Variants in EIF2AK4 observed in about 807,000 individuals in gnomAD.
EIF2AK4 encodes the protein eukaryotic translation initiation factor 2 alpha kinase 4, also known as eIF-2-alpha kinase GCN2.
In EIF2AK4, 139 loss-of-function variants were observed where a neutral mutation model predicts 211.1. That is an observed-to-expected ratio of 0.66 (90% CI 0.57 to 0.76). The LOEUF (loss-of-function observed/expected upper bound fraction) is 0.76. Ranked by LOEUF, EIF2AK4 falls within the 30% of genes least tolerant of loss-of-function variation. The pLI, the probability that EIF2AK4 is intolerant of heterozygous loss-of-function variation, is 0.00. For missense variants in EIF2AK4, 1,664 were observed against 2,043.8 expected (o/e 0.81, Z 3.58); for synonymous variants, 710 against 751.3 (o/e 0.94, Z 0.90).
chr15:39,949,324 A>C (rs1265571824), intron 4 of EIF2AK4, 56 bp downstream of exon 4: 44 of 1,592,824 alleles, frequency 2.8e-5, no homozygotes, highest in Non-Finnish European at 3.7e-5. Context: ...ATTGCAAACT[A>C]CTGTAGGTTT....
At chr15:39,953,399 A>G (rs2034346572) in intron 4 of EIF2AK4, among the ~76,000 whole-genome samples, 1 of 152,208 alleles carries the variant, frequency 6.6e-6, no homozygotes, top group African/African-American at 2.4e-5. Context: ...ACATTGAGAA[A>G]GCTGATTAGA....
Position 40,011,382 on chromosome 15 carries a change from C to G in EIF2AK4, c.3759+36C>G, listed in dbSNP as rs142749091. ...TCTAATGGTATTATTACAGCTTTCT[C>G]TGTAATTTTGTGATACCAGAAAATG... On this transcript the variant is annotated intron_variant, in intron 27 of 38. Transcript: ENST00000263791. 5.1e-3 allele frequency: 7,967 copies of G among 1,558,850 alleles called. 23 individuals are homozygous for G. Among genetic ancestry groups the G allele is most frequent in the Non-Finnish European group, 6.1e-3 (6,987 of 1,138,372 alleles).
chr15:39,961,875 A>C lies in EIF2AK4; in HGVS notation c.835A>C (p.Met279Leu). 1.2e-6 allele frequency: 2 copies of C among 1,613,838 alleles called. No individual in the cohort carries two copies. Among genetic ancestry groups the C allele is most frequent in the Non-Finnish European group, 1.7e-6 (2 of 1,179,882 alleles). Residue 279 changes from methionine to leucine, a missense_variant, in exon 7 of 39, where the codon ATG (methionine) becomes CTG (leucine). Met to Leu is a conservative substitution (Grantham distance 15, BLOSUM62 2). Transcript: ENST00000263791. ...YFNMGSPDQL[M>L]VHKGKCIGSD... The stretch of plus-strand genomic sequence containing the variant: ...CAATATGGGGAGTCCTGATCAGCTC[A>C]TGGTGCACAAAGGGAAATGTATTGG...
chr15:39,953,720 A>G (rs1365954569), intron 4 of EIF2AK4, among the ~76,000 whole-genome samples, 184 bp from the exon 5 acceptor site: 2 of 152,238 alleles, frequency 1.3e-5, no homozygotes, highest in Non-Finnish European at 2.9e-5. Flanking sequence ...GGGAATGCCT[A>G]TTGCGTAAGA....
chr15:39,997,080 T>C lies in EIF2AK4; in HGVS notation c.2868+15T>C, dbSNP rs1566998737. The C allele has an allele frequency of 1.2e-5, 19 of 1,545,900 alleles. No homozygotes were observed. Among genetic ancestry groups the C allele is most frequent in the Non-Finnish European group, 1.7e-5 (19 of 1,118,620 alleles). The stretch of plus-strand genomic sequence containing the variant: ...AACTCAGAGATGTATGTATCAGGTG[T>C]TTTAGTGCCTACATTTTCAGTAACC... On this transcript the variant is annotated intron_variant, in intron 19 of 38. Coordinates refer to ENST00000263791, the MANE Select transcript of EIF2AK4 (RefSeq NM_001013703.4).
intron 23 of EIF2AK4, among the ~76,000 whole-genome samples, chr15:40,005,666 G>A (rs1390555268): frequency 6.6e-6 from 1 of 151,494 alleles, no homozygotes; most frequent in Non-Finnish European, 1.5e-5. Context: ...CCGCCTCCCG[G>A]GTTCACGCCA....
At chr15:39,979,182 AAAGATGTGGG>A (rs1456358670) in intron 13 of EIF2AK4, among the ~76,000 whole-genome samples, 1 of 152,196 alleles carries the variant, frequency 6.6e-6, no homozygotes, top group Non-Finnish European at 1.5e-5. Flanking sequence ...TGTGTAAAGC[AAAGATGTGGG>A]AAGTAGAAAT....
In EIF2AK4 at chr15:40,035,226, T is replaced by G. The variant is rs2035600438; in HGVS notation, c.*142T>G. ...GGCTCACACCTTTAATCCCAGCACT[T>G]TGGGAAGCCAAGGCAGGAAGACTGC... On this transcript the variant is annotated 3_prime_UTR_variant, in exon 39 of 39. Coordinates refer to ENST00000263791, the MANE Select transcript of EIF2AK4 (RefSeq NM_001013703.4). 1 of 565,652 alleles carries G rather than the reference T, an allele frequency of 1.8e-6. No individual in the cohort carries two copies. Among genetic ancestry groups the G allele is most frequent in the Non-Finnish European group, 2.7e-6 (1 of 363,914 alleles). The allele number at this position is 565,652 out of a possible 1,614,324, so 35.0% of individuals were successfully genotyped here. A position where few individuals can be genotyped will look rare whatever the true frequency, so the allele number is the denominator to read the frequency against.
At chr15:39,991,073 G>A (rs11853517) in intron 16 of EIF2AK4, 113,397 of 152,472 alleles carry the variant, frequency 0.74, 46,782 homozygotes, top group Non-Finnish European at 0.95. Flanking sequence ...GAGGAATTTT[G>A]CTTCACATTA....
chr15:40,028,315 C>T (rs1336330633), intron 33 of EIF2AK4, among the ~76,000 whole-genome samples: 4 of 152,128 alleles, frequency 2.6e-5, no homozygotes, highest in African/African-American at 9.7e-5. Flanking sequence ...ACTCAAGCAA[C>T]TCTCCCGCCT....
intron 9 of EIF2AK4, among the ~76,000 whole-genome samples, chr15:39,968,891 T>TATACAC (rs139536340): frequency 8.7e-4 from 130 of 149,216 alleles, no homozygotes; most frequent in Non-Finnish European, 1.6e-3. Flanking sequence ...TATATATATA[T>TATACAC]ACACACACAT....
chr15:40,023,478 A>C (rs187769616), intron 32 of EIF2AK4, among the ~76,000 whole-genome samples: 2 of 152,284 alleles, frequency 1.3e-5, no homozygotes, highest in African/African-American at 4.8e-5. Flanking sequence ...AAATATTTCT[A>C]TATATAGAGC....
At position 39,967,779 on chromosome 15, in the gene EIF2AK4, G is replaced by T. The variant is rs748262253; in HGVS notation, c.1453G>T (p.Gly485Cys). ...TGKKGDVWRL[G>C]LLLLSLSQGQ... ...GAAGAAAGGAGATGTTTGGCGTCTT[G>T]GCCTTCTGCTGCTGTCCCTCAGCCA... The change falls in exon 9 of 39, where the codon GGC (glycine) becomes TGC (cysteine). Residue 485 changes from glycine (G) to cysteine (C), a missense_variant. Around this residue, in one of 7 missense-constraint regions of EIF2AK4, gnomAD observed 641 missense variants for 729.6 expected, o/e 0.88. Coordinates refer to ENST00000263791, the MANE Select transcript of EIF2AK4 (RefSeq NM_001013703.4). The T allele has an allele frequency of 6.2e-7, 1 of 1,614,224 alleles. No individual in the cohort carries two copies. Among genetic ancestry groups the T allele is most frequent in the South Asian group, 1.1e-5 (1 of 91,078 alleles).
chr15:40,017,558 T>TG (rs1555422343), intron 29 of EIF2AK4, among the ~76,000 whole-genome samples: 1 of 127,986 alleles, frequency 7.8e-6, no homozygotes, highest in South Asian at 2.5e-4. Flanking sequence ...TATATATGTA[T>TG]TTTGGAGACA....
chr15:39,934,927 C>G (rs998112749), intron 1 of EIF2AK4, among the ~76,000 whole-genome samples: 20 of 152,206 alleles, frequency 1.3e-4, no homozygotes, highest in African/African-American at 4.6e-4. Flanking sequence ...ACACATTCAT[C>G]TTAGCTGTAG....
At chr15:39,942,487 T>C (rs1422694216) in intron 2 of EIF2AK4, among the ~76,000 whole-genome samples, 2 of 152,204 alleles carry the variant, frequency 1.3e-5, no homozygotes, top group Non-Finnish European at 2.9e-5. Context: ...AGAGAACGCA[T>C]AGATAAGTGC....
chr15:39,940,639 G>C (rs2034132217), intron 2 of EIF2AK4, among the ~76,000 whole-genome samples: 1 of 151,952 alleles, frequency 6.6e-6, no homozygotes. Context: ...TAATGAAAAA[G>C]ATAATTAAAA....
chr15:40,001,874 A>C (rs1392198647), intron 21 of EIF2AK4, among the ~76,000 whole-genome samples: 1 of 152,128 alleles, frequency 6.6e-6, no homozygotes, highest in Non-Finnish European at 1.5e-5. Context: ...AAAGCTCCCA[A>C]GCAGTTTCTG....
chr15:39,938,042 G>A (rs1056695426), intron 1 of EIF2AK4, among the ~76,000 whole-genome samples: 5 of 152,146 alleles, frequency 3.3e-5, no homozygotes, highest in Admixed American at 6.5e-5. Flanking sequence ...CCACATTTAA[G>A]TATATACCCT....
Sources: gnomAD v4.1 joint callset for allele counts (sites outside exome capture counted in the v4.1 genomes callset) on GRCh38, gnomAD v4.1.1 for gene constraint, gnomAD v4.1.1 regional missense constraint, MANE v1.5 for transcripts, NCBI Gene and HGNC (gene_info 2026-07-23, HGNC 2026-07-21) for gene names.